The following PIK3R4 variants were observed in gnomAD, a reference collection of about 807,000 sequenced individuals.
PIK3R4 encodes phosphoinositide-3-kinase regulatory subunit 4.
A neutral mutation model predicts 136.5 loss-of-function variants in PIK3R4; 46 were observed. The observed-to-expected ratio is 0.34, with a 90% CI of 0.27 to 0.43. PIK3R4 has a LOEUF of 0.43. PIK3R4 is among the 20% of genes least tolerant of loss of function. PIK3R4 has a pLI of 1.00. For missense variants in PIK3R4, 1,331 were observed against 1,649.5 expected (o/e 0.81, Z 3.35); for synonymous variants, 557 against 566.7 (o/e 0.98, Z 0.24).
At chr3:130,686,107 A>T in intron 15 of PIK3R4, 104 bp downstream of exon 15, 1 of 687,092 alleles carries the variant, frequency 1.5e-6, no homozygotes. Flanking sequence ...AAAAGACGGG[A>T]AAAATTACCA....
At chr3:130,694,934 C>T (rs1049571226) in intron 13 of PIK3R4, among the ~76,000 whole-genome samples, 1 of 152,026 alleles carries the variant, frequency 6.6e-6, no homozygotes, top group Non-Finnish European at 1.5e-5. Context: ...TGTAGATGGC[C>T]TTTATTCATT....
At position 130,686,263 on chromosome 3, in the gene PIK3R4, C is replaced by T. The variant is rs759951169; in HGVS notation, c.3423G>A (p.Ser1141=). The T allele has an allele frequency of 5.5e-5, 89 of 1,613,346 alleles. 1 individual carries two copies. The South Asian group carries it at 8.8e-4, about 16-fold the overall frequency. The part of the protein sequence containing the change: ...NAWTLKHDLK[S]GLITSFAVDI... ...CCACAGCAAAGGAAGTGATGAGGCC[C>T]GACTTTAAATCATGCTTTAAAGTCC... Residue 1141 remains serine, a synonymous_variant, in exon 15 of 20, where the codon TCG becomes TCA. Coordinates refer to ENST00000356763, the MANE Select transcript of PIK3R4 (RefSeq NM_014602.3).
At chr3:130,685,718 TCAA>T (rs2066485975) in intron 15 of PIK3R4, among the ~76,000 whole-genome samples, 1 of 152,186 alleles carries the variant, frequency 6.6e-6, no homozygotes, top group Admixed American at 6.5e-5. Context: ...AGCTCTTCTC[TCAA>T]CAACAGGCAC....
chr3:130,708,612 G>A lies in PIK3R4; in HGVS notation c.2332-120C>T, dbSNP rs575068213. 254 of 828,820 alleles carry A rather than the reference G, an allele frequency of 3.1e-4. 1 individual carries two copies. The South Asian group carries it at 3.6e-3, about 12-fold the overall frequency. 51.3% of individuals were successfully genotyped at this position (828,820 alleles called of 1,614,324 possible). On this transcript the variant is annotated intron_variant, in intron 9 of 19. Coordinates refer to ENST00000356763, the MANE Select transcript of PIK3R4 (RefSeq NM_014602.3). ...ATTTAAAACTGAAAAGAGACAGAAGGGTGAAACAACCAAGTCCAAGTGAAA... is the reference window on the plus strand; with the variant it reads ...ATTTAAAACTGAAAAGAGACAGAAGAGTGAAACAACCAAGTCCAAGTGAAA...
chr3:130,741,900 T>C (rs2066825879), intron 2 of PIK3R4, among the ~76,000 whole-genome samples: 1 of 152,170 alleles, frequency 6.6e-6, no homozygotes, highest in South Asian at 2.1e-4. Flanking sequence ...AGGCAGAATA[T>C]ATATGGTAAG....
At chr3:130,705,476 G>T in intron 12 of PIK3R4, 85 bp downstream of exon 12, 1 of 837,254 alleles carries the variant, frequency 1.2e-6, no homozygotes, top group South Asian at 1.6e-5. Context: ...TCTTTTGTCT[G>T]GTAGTTAAGT....
chr3:130,690,247 C>A (rs2066508928), intron 14 of PIK3R4, among the ~76,000 whole-genome samples: 1 of 152,098 alleles, frequency 6.6e-6, no homozygotes, highest in Non-Finnish European at 1.5e-5. Flanking sequence ...GACCTCTTGA[C>A]AAGTTTGCAG....
In PIK3R4 at chr3:130,712,689, A is replaced by G. The variant is rs532060519; in HGVS notation, c.2331+3707T>C. On this transcript the variant is annotated intron_variant, in intron 9 of 19. Coordinates refer to ENST00000356763, the MANE Select transcript of PIK3R4 (RefSeq NM_014602.3). Reference sequence around the variant, plus strand: ...CAATTAAAAAAAGAAAAAAAAAAAGAAACAAGGACTCAATTCCTATCTCCA... The same window carrying G: ...CAATTAAAAAAAGAAAAAAAAAAAGGAACAAGGACTCAATTCCTATCTCCA... Among the ~76,000 whole-genome samples, 3 of 152,106 alleles carry G rather than the reference A, an allele frequency of 2.0e-5. No homozygotes were observed. The East Asian group carries it at 5.8e-4, about 29-fold the overall frequency.
intron 14 of PIK3R4, among the ~76,000 whole-genome samples, chr3:130,688,216 T>G (rs928680117): frequency 6.6e-6 from 1 of 152,188 alleles, no homozygotes; most frequent in Non-Finnish European, 1.5e-5. Flanking sequence ...ACAATACATT[T>G]ACTTATTTGT....
intron 5 of PIK3R4, among the ~76,000 whole-genome samples, chr3:130,729,084 T>C (rs150398909): frequency 6.6e-6 from 1 of 152,324 alleles, no homozygotes; most frequent in African/African-American, 2.4e-5. Flanking sequence ...GCAATCCTTT[T>C]AGAAAATGTT....
In PIK3R4 at chr3:130,744,819, T is replaced by C. The variant is rs188247063; in HGVS notation, c.400A>G (p.Thr134Ala). 167 of 1,614,224 alleles carry C rather than the reference T, an allele frequency of 1.0e-4. No individual in the cohort carries two copies. Among genetic ancestry groups the C allele is most frequent in the Non-Finnish European group, 4.2e-6 (5 of 1,180,042 alleles). Residue 134 changes from threonine to alanine, a missense_variant, in exon 2 of 20, where the codon ACA becomes GCA. Physicochemically the swap from Thr to Ala is moderately conservative, Grantham distance 58. Around this residue, in one of 2 missense-constraint regions of PIK3R4, gnomAD observed 151 missense variants for 242.5 expected, o/e 0.62. Transcript: ENST00000356763. Reference protein sequence around the residue: ...EKRWIAFQILTAVDQAHKSGV... With the variant: ...EKRWIAFQILAAVDQAHKSGV... ...GATTTGTGTGCTTGGTCCACAGCTGTCAGGATCTGGAAAGCAATCCAGCGC... is the reference window on the plus strand; with the variant it reads ...GATTTGTGTGCTTGGTCCACAGCTGCCAGGATCTGGAAAGCAATCCAGCGC...
intron 5 of PIK3R4, among the ~76,000 whole-genome samples, chr3:130,729,359 AATTATCTGTGAATAAAC>A (rs2066750047): frequency 1.3e-5 from 2 of 152,190 alleles, no homozygotes; most frequent in African/African-American, 4.8e-5. Flanking sequence ...AATCTTTAAC[AATTATCTGTGAATAAAC>A]AGAAGACAGG....
At chr3:130,726,809 T>C (rs990104793) in intron 6 of PIK3R4, among the ~76,000 whole-genome samples, 20 of 151,654 alleles carry the variant, frequency 1.3e-4, no homozygotes, top group Admixed American at 1.0e-3. Context: ...AATTGACCAA[T>C]AGATAGGGGA....
chr3:130,679,804 G>A (rs1438941781), intron 19 of PIK3R4, among the ~76,000 whole-genome samples: 10 of 152,242 alleles, frequency 6.6e-5, no homozygotes, highest in Middle Eastern at 3.4e-3. Context: ...TAGGCCAGGC[G>A]CGGTGGGTCA....
At position 130,681,962 on chromosome 3, in the gene PIK3R4, G is replaced by C. The variant is rs188511477; in HGVS notation, c.3608-371C>G. The stretch of plus-strand genomic sequence containing the variant: ...GGAACAGACTGAGAATGGGAGATAA[G>C]TAGGAGAAAGGGCAGTAATGCTGGT... On this transcript the variant is annotated intron_variant, in intron 16 of 19. Coordinates refer to ENST00000356763, the MANE Select transcript of PIK3R4 (RefSeq NM_014602.3). Among the ~76,000 whole-genome samples, 9 of 152,268 alleles carry C rather than the reference G, an allele frequency of 5.9e-5. No individual in the cohort carries two copies. In the East Asian group the frequency reaches 1.5e-3, roughly 26 times the overall value.
intron 6 of PIK3R4, among the ~76,000 whole-genome samples, chr3:130,725,712 T>C (rs887722857): frequency 6.6e-6 from 1 of 152,114 alleles, no homozygotes; most frequent in African/African-American, 2.4e-5. Context: ...AAAAAATTAA[T>C]GTTCTTAATA....
At chr3:130,718,216 G>A (rs1275071059) in intron 8 of PIK3R4, among the ~76,000 whole-genome samples, 173 bp downstream of exon 8, 4 of 152,088 alleles carry the variant, frequency 2.6e-5, no homozygotes, top group African/African-American at 9.7e-5. Context: ...GCACTTTTCT[G>A]ACCTTCAAAG....
chr3:130,711,344 G>A (rs1318930144), intron 9 of PIK3R4, among the ~76,000 whole-genome samples: 1 of 152,156 alleles, frequency 6.6e-6, no homozygotes, highest in Non-Finnish European at 1.5e-5. Context: ...ACTGTCTAGA[G>A]AGAGTTGCCA....
chr3:130,738,195 C>A (rs930030740), intron 2 of PIK3R4, among the ~76,000 whole-genome samples: 11 of 152,064 alleles, frequency 7.2e-5, no homozygotes, highest in African/African-American at 2.7e-4. Context: ...AACAGAGGAC[C>A]CGAAAAATAC....
Sources: allele counts gnomAD v4.1 joint callset (sites outside exome capture counted in the v4.1 genomes callset), GRCh38; gene constraint gnomAD v4.1.1; regional missense constraint gnomAD v4.1.1; transcripts MANE v1.5; gene names NCBI Gene and HGNC (gene_info 2026-07-23, HGNC 2026-07-21).